EPHA6: variants seen among roughly 807,000 people sequenced by gnomAD.
The protein encoded by EPHA6 is ephrin type-A receptor 6.
A neutral mutation model predicts 112.0 loss-of-function variants in EPHA6; 50 were observed. That is an observed-to-expected ratio of 0.45 (90% CI 0.36 to 0.56). The LOEUF (loss-of-function observed/expected upper bound fraction) is 0.56. Among genes scored for constraint, EPHA6 ranks in the 20% least tolerant of loss-of-function variants. EPHA6 has a pLI of 0.00. For missense variants in EPHA6, 1,280 were observed against 1,417.4 expected, an observed-to-expected ratio of 0.90 and a Z score of 1.56; for synonymous variants, 529 against 490.7, an observed-to-expected ratio of 1.08 and a Z score of -1.03.
chr3:97,498,558 G>A (rs1355246018), intron 10 of EPHA6, among the ~76,000 whole-genome samples: 1 of 152,122 alleles, frequency 6.6e-6, no homozygotes, highest in African/African-American at 2.4e-5. Flanking sequence ...TAGTGTGAAT[G>A]TTGTCTTATA....
intron 3 of EPHA6, among the ~76,000 whole-genome samples, chr3:97,040,066 A>G (rs1159914022): frequency 6.6e-6 from 1 of 151,482 alleles, no homozygotes; most frequent in Non-Finnish European, 1.5e-5. Flanking sequence ...GCTAATTATA[A>G]TAATGATAAT....
chr3:97,652,280 TC>T, intron 14 of EPHA6, among the ~76,000 whole-genome samples: 1 of 152,144 alleles, frequency 6.6e-6, no homozygotes, highest in South Asian at 2.1e-4. Context: ...GCTTACTTAT[TC>T]CCAGTGTAAA....
intron 5 of EPHA6, among the ~76,000 whole-genome samples, chr3:97,302,209 T>C (rs907788713): frequency 6.6e-6 from 1 of 152,072 alleles, no homozygotes; most frequent in African/African-American, 2.4e-5. Context: ...GGGCTGTTTT[T>C]CTCAATTGCA....
chr3:97,218,363 T>G (rs1344812655), intron 3 of EPHA6, among the ~76,000 whole-genome samples: 1 of 151,988 alleles, frequency 6.6e-6, no homozygotes, highest in African/African-American at 2.4e-5. Context: ...ACAAGGTAAT[T>G]TATAAAAAAT....
At chr3:97,318,313 T>G (rs2081942101) in intron 5 of EPHA6, among the ~76,000 whole-genome samples, 1 of 152,066 alleles carries the variant, frequency 6.6e-6, no homozygotes, top group African/African-American at 2.4e-5. Context: ...TTTAAAGAAC[T>G]TGCTTAAAAT....
At chr3:97,151,564 A>G (rs2076172354) in intron 3 of EPHA6, among the ~76,000 whole-genome samples, 2 of 152,000 alleles carry the variant, frequency 1.3e-5, no homozygotes, top group Admixed American at 6.6e-5. Context: ...CACACCATCA[A>G]CATAGGATCT....
intron 3 of EPHA6, among the ~76,000 whole-genome samples, chr3:97,054,233 A>G (rs148254842): frequency 1.3e-5 from 2 of 152,138 alleles, no homozygotes; most frequent in East Asian, 3.9e-4. Context: ...CTAAAAAGAG[A>G]TAGTTTATCA....
At chr3:97,473,114 C>T (rs756643704) in intron 7 of EPHA6, among the ~76,000 whole-genome samples, 3 of 151,464 alleles carry the variant, frequency 2.0e-5, no homozygotes, top group Non-Finnish European at 4.4e-5. Context: ...ATAATCATCC[C>T]AGCCTCACAA....
At chr3:97,060,464 CTG>C (rs1173549204) in intron 3 of EPHA6, among the ~76,000 whole-genome samples, 1 of 152,126 alleles carries the variant, frequency 6.6e-6, no homozygotes, top group Non-Finnish European at 1.5e-5. Flanking sequence ...TGCTACCTCT[CTG>C]AAATTTAGAA....
chr3:97,486,501 A>T (rs1259724933), intron 10 of EPHA6, among the ~76,000 whole-genome samples: 3 of 152,204 alleles, frequency 2.0e-5, no homozygotes, highest in Non-Finnish European at 4.4e-5. Context: ...TGGCGGCTGA[A>T]GTCAAGATTG....
intron 5 of EPHA6, among the ~76,000 whole-genome samples, chr3:97,268,432 C>T (rs2108635261): frequency 6.6e-6 from 1 of 152,148 alleles, no homozygotes; most frequent in South Asian, 2.1e-4. Flanking sequence ...GTTAATTTAA[C>T]TATTTAAAAA....
At chr3:97,255,391 C>G (rs891020249) in intron 5 of EPHA6, among the ~76,000 whole-genome samples, 2 of 152,160 alleles carry the variant, frequency 1.3e-5, no homozygotes, top group South Asian at 4.1e-4. Context: ...AAGAAAGCCA[C>G]TATCCCAAAT....
intron 3 of EPHA6, among the ~76,000 whole-genome samples, chr3:97,206,162 A>T (rs900535256): frequency 6.6e-6 from 1 of 151,978 alleles, no homozygotes; most frequent in African/African-American, 2.4e-5. Flanking sequence ...TATCTTTACA[A>T]TGCCACTTTT....
intron 5 of EPHA6, among the ~76,000 whole-genome samples, chr3:97,259,695 G>A (rs1251547859): frequency 6.6e-6 from 1 of 152,156 alleles, no homozygotes; most frequent in Non-Finnish European, 1.5e-5. Context: ...GTAGAAGTAA[G>A]AAAGGAAGAG....
At position 96,814,837 on chromosome 3, in the gene EPHA6, A is replaced by T. The variant is rs373432052; in HGVS notation, c.214A>T (p.Thr72Ser). ...EEDVDKDPHPTQNTCLRCRHF... is the reference protein window; with the variant it reads ...EEDVDKDPHPSQNTCLRCRHF... ...AGACGTGGACAAGGACCCCCATCCT[A>T]CCCAGAACACCTGCCTGCGCTGCCG... Residue 72 changes from threonine to serine, a missense_variant, in exon 1 of 18, where the codon ACC (threonine) becomes TCC (serine). Thr to Ser is a moderately conservative substitution (Grantham distance 58). This residue lies in a region of EPHA6 where 220 missense variants were observed against 171.5 expected (regional missense o/e 1.28). Transcript: ENST00000389672. The T allele has an allele frequency of 9.5e-6, 15 of 1,576,466 alleles. No individual in the cohort carries two copies. Among genetic ancestry groups the T allele is most frequent in the Admixed American group, 5.6e-5 (3 of 53,630 alleles).
At chr3:97,283,933 A>G (rs11927944) in intron 5 of EPHA6, among the ~76,000 whole-genome samples, 1 of 152,170 alleles carries the variant, frequency 6.6e-6, no homozygotes, top group African/African-American at 2.4e-5. Flanking sequence ...TCTGAAGATT[A>G]TAATCCCAAC....
intron 7 of EPHA6, 99 bp from the exon 8 acceptor site, chr3:97,475,253 G>A: frequency 1.2e-6 from 1 of 833,258 alleles, no homozygotes. Flanking sequence ...ACTGAGCTTG[G>A]CATCCGTTAT....
chr3:97,305,930 A>G (rs1244681090), intron 5 of EPHA6, among the ~76,000 whole-genome samples: 1 of 151,936 alleles, frequency 6.6e-6, no homozygotes, highest in Non-Finnish European at 1.5e-5. Flanking sequence ...ATAAGAAATA[A>G]AGGGAAAATA....
At chr3:97,140,290 C>T (rs1455525847) in intron 3 of EPHA6, among the ~76,000 whole-genome samples, 2 of 151,848 alleles carry the variant, frequency 1.3e-5, no homozygotes, top group African/African-American at 4.8e-5. Flanking sequence ...GGATAATTTC[C>T]CTGGTCTTGC....
Sources: gnomAD v4.1 joint callset for allele counts (sites outside exome capture counted in the v4.1 genomes callset) on GRCh38, gnomAD v4.1.1 for gene constraint, gnomAD v4.1.1 regional missense constraint, MANE v1.5 for transcripts, NCBI Gene and HGNC (gene_info 2026-07-23, HGNC 2026-07-21) for gene names.